The following FMN2 variants were observed in gnomAD, a reference collection of about 807,000 sequenced individuals.
The protein encoded by FMN2 is formin 2.
Under a neutral mutation model 142.3 loss-of-function variants are expected in FMN2, and 51 were observed. That is an observed-to-expected ratio of 0.36 (90% CI 0.29 to 0.45). FMN2 has a LOEUF of 0.45. FMN2 is among the 20% of genes least tolerant of loss of function. FMN2 has a pLI of 1.00. For missense variants in FMN2, 1,936 were observed against 2,122.8 expected (o/e 0.91, Z 1.73); for synonymous variants, 882 against 869.8 (o/e 1.01, Z -0.25).
intron 1 of FMN2, among the ~76,000 whole-genome samples, chr1:240,121,735 T>TAAAAAAAAAAAAAAAAAAAAAAA (rs71168898): frequency 3.9e-5 from 1 of 25,678 alleles, no homozygotes; most frequent in African/African-American, 1.5e-4. Flanking sequence ...AGGGAAATAG[T>TAAAAAAAAAAAAAAAAAAAAAAA]AAAAAAAAAA....
chr1:240,293,348 C>T (rs1669855459), intron 7 of FMN2, among the ~76,000 whole-genome samples: 1 of 152,068 alleles, frequency 6.6e-6, no homozygotes, highest in Admixed American at 6.6e-5. Flanking sequence ...GTTTTCTTAT[C>T]ATGTAGAGAA....
intron 7 of FMN2, among the ~76,000 whole-genome samples, chr1:240,265,639 T>C (rs1668771956): frequency 6.6e-6 from 1 of 152,182 alleles, no homozygotes; most frequent in East Asian, 1.9e-4. Flanking sequence ...CATATTTTGC[T>C]ATGGCAGCCC....
intron 1 of FMN2, among the ~76,000 whole-genome samples, chr1:240,104,822 G>A (rs191192555): frequency 2.0e-5 from 3 of 152,152 alleles, no homozygotes; most frequent in Admixed American, 2.0e-4. Context: ...ACCTTTTATT[G>A]TGTGTGAGTA....
chr1:240,140,076 T>A (rs534001682), intron 2 of FMN2, among the ~76,000 whole-genome samples: 1 of 152,244 alleles, frequency 6.6e-6, no homozygotes, highest in Admixed American at 6.5e-5. Context: ...TGGCTAAGAT[T>A]GCGTGAAGGT....
At chr1:240,362,430 G>A (rs1672517244) in intron 14 of FMN2, among the ~76,000 whole-genome samples, 1 of 151,892 alleles carries the variant, frequency 6.6e-6, no homozygotes, top group Non-Finnish European at 1.5e-5. Flanking sequence ...AGAAAATGTG[G>A]GATATAGAAA....
intron 6 of FMN2, among the ~76,000 whole-genome samples, chr1:240,248,025 C>T (rs980295494): frequency 1.3e-5 from 2 of 152,036 alleles, no homozygotes; most frequent in African/African-American, 4.8e-5. Flanking sequence ...GCTCACCCTC[C>T]TCTATCATTA....
At chr1:240,433,613 T>C (rs961849550) in intron 15 of FMN2, among the ~76,000 whole-genome samples, 3 of 152,216 alleles carry the variant, frequency 2.0e-5, no homozygotes, top group Non-Finnish European at 2.9e-5. Flanking sequence ...CTTTCAGAAG[T>C]TACTATACAT....
chr1:240,447,849 G>A (rs1675881017), intron 16 of FMN2, among the ~76,000 whole-genome samples: 1 of 152,194 alleles, frequency 6.6e-6, no homozygotes, highest in African/African-American at 2.4e-5. Context: ...CACTTTCAGT[G>A]AGTGAATTGT....
chr1:240,432,844 T>TA, intron 15 of FMN2, among the ~76,000 whole-genome samples: 1 of 152,152 alleles, frequency 6.6e-6, no homozygotes, highest in Non-Finnish European at 1.5e-5. Context: ...TCAGGGAACT[T>TA]ACTCTGTATA....
chr1:240,381,677 G>T (rs1673230802), intron 14 of FMN2, among the ~76,000 whole-genome samples: 1 of 152,162 alleles, frequency 6.6e-6, no homozygotes, highest in African/African-American at 2.4e-5. Context: ...TGATCTGCCT[G>T]CCTGGGTCTC....
intron 14 of FMN2, among the ~76,000 whole-genome samples, chr1:240,374,688 G>T (rs1378974659): frequency 1.3e-5 from 2 of 152,182 alleles, no homozygotes; most frequent in African/African-American, 4.8e-5. Context: ...GTTGTGGCTA[G>T]TATGATCTAA....
chr1:240,230,346 A>AC (rs35937279), intron 6 of FMN2, among the ~76,000 whole-genome samples: 63,696 of 128,360 alleles, frequency 0.5, 22,947 homozygotes, highest in African/African-American at 0.53. Flanking sequence ...AACAACAACA[A>AC]AAAAACTAAC....
In FMN2 at chr1:240,378,201, A is replaced by G. The variant is rs184666695; in HGVS notation, c.4859-14310A>G. Among the ~76,000 whole-genome samples the G allele has an allele frequency of 8.6e-5, 13 of 151,682 alleles. No homozygotes were observed. In the East Asian group the frequency reaches 2.3e-3, roughly 27 times the overall value. ...GTTTCACTCTTGTTGCCCAGGCTAG[A>G]GTACAATGGCATGATCTTGGCTCAC... On this transcript the variant is annotated intron_variant, in intron 14 of 17. Coordinates refer to ENST00000319653, the MANE Select transcript of FMN2 (RefSeq NM_020066.5).
chr1:240,103,046 T>A (rs2103179744), intron 1 of FMN2, among the ~76,000 whole-genome samples: 1 of 152,076 alleles, frequency 6.6e-6, no homozygotes, highest in East Asian at 1.9e-4. Context: ...TGCATTTTTT[T>A]GTAGAGACGG....
At chr1:240,288,000 G>C (rs979161690) in intron 7 of FMN2, among the ~76,000 whole-genome samples, 6 of 152,168 alleles carry the variant, frequency 3.9e-5, no homozygotes, top group Non-Finnish European at 7.3e-5. Context: ...CTAGAGTGAA[G>C]TTAGTTATTT....
At chr1:240,286,829 C>T (rs1669606900) in intron 7 of FMN2, among the ~76,000 whole-genome samples, 1 of 152,154 alleles carries the variant, frequency 6.6e-6, no homozygotes, top group East Asian at 1.9e-4. Context: ...CGTTCACTTT[C>T]AAACTCTGTC....
At chr1:240,203,169 A>G (rs1666192388) in intron 4 of FMN2, among the ~76,000 whole-genome samples, 1 of 152,156 alleles carries the variant, frequency 6.6e-6, no homozygotes, top group South Asian at 2.1e-4. Flanking sequence ...ACTCACTATC[A>G]TCATACAATT....
intron 2 of FMN2, among the ~76,000 whole-genome samples, chr1:240,174,471 C>T (rs1321003260): frequency 6.6e-6 from 1 of 152,170 alleles, no homozygotes; most frequent in Non-Finnish European, 1.5e-5. Flanking sequence ...CCTTTCACTT[C>T]AGCCTCCTGA....
chr1:240,423,282 C>T (rs889144437), intron 15 of FMN2, among the ~76,000 whole-genome samples: 11 of 152,068 alleles, frequency 7.2e-5, no homozygotes, highest in East Asian at 1.9e-4. Flanking sequence ...GAAATGAAGA[C>T]GATGATTTAG....
Sources: gnomAD v4.1 joint callset for allele counts (sites outside exome capture counted in the v4.1 genomes callset) on GRCh38, gnomAD v4.1.1 for gene constraint, MANE v1.5 for transcripts, NCBI Gene and HGNC (gene_info 2026-07-23, HGNC 2026-07-21) for gene names.